Variants in PUS7 observed in about 807,000 individuals in gnomAD.
PUS7 encodes the protein pseudouridine synthase 7.
Under a neutral mutation model 79.8 loss-of-function variants are expected in PUS7, and 48 were observed. The ratio of observed to expected loss-of-function variants is 0.60; its 90% CI spans 0.48 to 0.76. The LOEUF (loss-of-function observed/expected upper bound fraction) is 0.76, where lower values mean the gene tolerates loss of function less well. Ranked by LOEUF, PUS7 falls within the 30% of genes least tolerant of loss-of-function variation. The pLI is 0.00. For synonymous variants in PUS7, 286 were observed against 272.2 expected (o/e 1.05, Z -0.50); for missense variants, 729 against 797.6 (o/e 0.91, Z 1.04).
Position 105,488,749 on chromosome 7 carries a change from G to GA in PUS7, c.920+2790dup, listed in dbSNP as rs547778635. Among the ~76,000 whole-genome samples, 503 of 152,150 alleles carry GA rather than the reference G, an allele frequency of 3.3e-3. 3 individuals are homozygous for GA. Among genetic ancestry groups the GA allele is most frequent in the Non-Finnish European group, 5.7e-3 (390 of 67,984 alleles). ...TACATAAGTATTGCTGTTTAAAAAG[G>GA]AAAAAAAGTCCCTCAAAAAATATAT... is the stretch of plus-strand genomic sequence containing the variant. On this transcript the variant is annotated intron_variant, in intron 7 of 15. Transcript: ENST00000469408.
intron 1 of PUS7, among the ~76,000 whole-genome samples, chr7:105,509,297 G>T (rs1344437180): frequency 6.6e-6 from 1 of 150,646 alleles, no homozygotes; most frequent in Admixed American, 6.7e-5. Flanking sequence ...AATTCTTCCA[G>T]ATGTTGGCAT....
At chr7:105,468,848 C>T (rs1385212067) in intron 11 of PUS7, among the ~76,000 whole-genome samples, 2 of 151,862 alleles carry the variant, frequency 1.3e-5, no homozygotes, top group Non-Finnish European at 2.9e-5. Context: ...AGACATTTTG[C>T]TTGTTAGTGG....
chr7:105,478,121 T>A (rs543511368), intron 9 of PUS7, among the ~76,000 whole-genome samples: 1 of 152,344 alleles, frequency 6.6e-6, no homozygotes, highest in African/African-American at 2.4e-5. Context: ...CTTAGCAATG[T>A]TTTCAAGGTT....
intron 9 of PUS7, among the ~76,000 whole-genome samples, chr7:105,473,800 C>T (rs1385122889): frequency 1.3e-5 from 2 of 150,976 alleles, no homozygotes; most frequent in African/African-American, 4.9e-5. Flanking sequence ...GTGATCAGCC[C>T]GCCTTGGCCT....
intron 6 of PUS7, among the ~76,000 whole-genome samples, chr7:105,492,568 G>C (rs545668100): frequency 2.5e-4 from 36 of 144,558 alleles, no homozygotes; most frequent in Non-Finnish European, 4.4e-4. Flanking sequence ...TGCAGTGGCG[G>C]GATCTCGGCT....
At chr7:105,508,745 C>A (rs760664017) in intron 1 of PUS7, among the ~76,000 whole-genome samples, 1 of 150,866 alleles carries the variant, frequency 6.6e-6, no homozygotes, top group Non-Finnish European at 1.5e-5. Context: ...GGGTGGCAGG[C>A]GCCTATAGTC....
intron 5 of PUS7, 59 bp from the exon 6 acceptor site, chr7:105,495,312 C>G: frequency 1.0e-6 from 1 of 1,000,000 alleles, no homozygotes; most frequent in Non-Finnish European, 1.5e-6. Context: ...GATGTAAGAG[C>G]TCATTTTTCG....
intron 1 of PUS7, among the ~76,000 whole-genome samples, chr7:105,513,056 G>A (rs572110604): frequency 8.9e-4 from 136 of 152,264 alleles, no homozygotes; most frequent in Non-Finnish European, 1.7e-3. Flanking sequence ...GGAAGAAGAT[G>A]AGCCCACCCA....
rs570472342 is a variant in PUS7, at chr7:105,474,287, T to C, written c.1176-2094A>G. Among the ~76,000 whole-genome samples the C allele has an allele frequency of 1.1e-4, 16 of 152,290 alleles. No homozygotes were observed. The South Asian group carries it at 2.7e-3, about 26-fold the overall frequency. On this transcript the variant is annotated intron_variant, in intron 9 of 15. Coordinates refer to ENST00000469408, the MANE Select transcript of PUS7 (RefSeq NM_019042.5). ...CCAATAATGTAATTACATCAACAGA[T>C]TTCCTATTGCTGGCCACCACCACAG...
chr7:105,497,898 A>G (rs1825100623), intron 5 of PUS7, among the ~76,000 whole-genome samples: 1 of 152,216 alleles, frequency 6.6e-6, no homozygotes, highest in Admixed American at 6.5e-5. Flanking sequence ...GCAAGTTTGA[A>G]AATGTCCATA....
intron 13 of PUS7, among the ~76,000 whole-genome samples, chr7:105,463,189 T>C (rs956484219): frequency 6.6e-6 from 1 of 152,206 alleles, no homozygotes; most frequent in Non-Finnish European, 1.5e-5. Flanking sequence ...GCGCACCTGA[T>C]GTAGAGTCTT....
chr7:105,462,582 T>C, intron 14 of PUS7, 39 bp downstream of exon 14: 1 of 1,608,592 alleles, frequency 6.2e-7, no homozygotes, highest in East Asian at 2.2e-5. Context: ...ACAACTTATA[T>C]GGTAATTCAG....
At chr7:105,491,412 A>C (rs1051723653) in intron 7 of PUS7, 128 bp downstream of exon 7, 18 of 465,410 alleles carry the variant, frequency 3.9e-5, no homozygotes, top group African/African-American at 2.4e-4. Context: ...CAGAATGAAA[A>C]GTAATTTTTA....
Position 105,468,350 on chromosome 7 carries a change from G to A in PUS7, c.1512C>T (p.Leu504=), listed in dbSNP as rs748643596. 4.3e-6 allele frequency: 7 copies of A among 1,612,480 alleles called. No individual in the cohort carries two copies. Among genetic ancestry groups the A allele is most frequent in the Middle Eastern group, 3.3e-4 (2 of 6,068 alleles). ...CTGCCTTTTTACCTCCTTTGAGAACGAGGTCCCCTGGAACAGGTTTTAGTC... is the reference window on the plus strand; with the variant it reads ...CTGCCTTTTTACCTCCTTTGAGAACAAGGTCCCCTGGAACAGGTTTTAGTC... The part of the protein sequence containing the change: ...DYGLKPVPGD[L]VLKGATATYI... The change falls in exon 12 of 16, where the codon CTC becomes CTT. Residue 504 remains leucine (L), a synonymous_variant. Coordinates refer to ENST00000469408, the MANE Select transcript of PUS7 (RefSeq NM_019042.5).
chr7:105,460,698 C>T (rs1225635766), intron 14 of PUS7, among the ~76,000 whole-genome samples: 1 of 150,942 alleles, frequency 6.6e-6, no homozygotes, highest in Non-Finnish European at 1.5e-5. Context: ...ACTAAAAATA[C>T]AAAAAATTAG....
At chr7:105,503,497 G>A (rs1276521212) in intron 4 of PUS7, among the ~76,000 whole-genome samples, 2 of 152,104 alleles carry the variant, frequency 1.3e-5, no homozygotes, top group Non-Finnish European at 2.9e-5. Flanking sequence ...ATCTCATACT[G>A]AGAATTTTCC....
chr7:105,464,630 G>A (rs1048713962), intron 13 of PUS7, among the ~76,000 whole-genome samples: 5 of 152,124 alleles, frequency 3.3e-5, no homozygotes, highest in African/African-American at 9.7e-5. Flanking sequence ...GGTTCCCCAG[G>A]TCTCAAGTCT....
chr7:105,466,768 A>T (rs2133058475), intron 12 of PUS7, among the ~76,000 whole-genome samples: 1 of 152,262 alleles, frequency 6.6e-6, no homozygotes, highest in African/African-American at 2.4e-5. Flanking sequence ...GTTAAAAAAA[A>T]AAACTGGAAT....
intron 9 of PUS7, among the ~76,000 whole-genome samples, chr7:105,480,225 A>G (rs1344469564): frequency 6.6e-6 from 1 of 151,646 alleles, no homozygotes; most frequent in African/African-American, 2.4e-5. Flanking sequence ...TAATCCCAAC[A>G]CTTTGGGAGG....
Sources: allele counts gnomAD v4.1 joint callset (sites outside exome capture counted in the v4.1 genomes callset), GRCh38; gene constraint gnomAD v4.1.1; transcripts MANE v1.5; gene names NCBI Gene and HGNC (gene_info 2026-07-23, HGNC 2026-07-21).